Variants in NELL1 observed in about 807,000 individuals in gnomAD.
NELL1 encodes the protein neural EGFL like 1, also known as protein kinase C-binding protein NELL1.
In NELL1, 76 loss-of-function variants were observed where a neutral mutation model predicts 107.4. The ratio of observed to expected loss-of-function variants is 0.71; its 90% CI spans 0.59 to 0.86. NELL1 has a LOEUF of 0.86. Ranked by LOEUF, NELL1 falls within the 40% of genes least tolerant of loss-of-function variation. The pLI is 0.00. For synonymous variants in NELL1, 353 were observed against 341.2 expected (o/e 1.03, Z -0.38); for missense variants, 1,024 against 1,005.5 (o/e 1.02, Z -0.25).
At chr11:20,960,377 G>C (rs1171176247) in intron 11 of NELL1, 55 bp from the exon 12 acceptor site, 2 of 1,562,204 alleles carry the variant, frequency 1.3e-6, no homozygotes, top group Admixed American at 3.4e-5. Context: ...CTTTATTTTG[G>C]GGAGTTACTT....
intron 12 of NELL1, among the ~76,000 whole-genome samples, chr11:21,002,518 A>G (rs1366492313): frequency 6.6e-6 from 1 of 152,140 alleles, no homozygotes; most frequent in Non-Finnish European, 1.5e-5. Flanking sequence ...GATAGATAGG[A>G]TACTGCAGAG....
chr11:20,943,593 C>G (rs114313288), intron 10 of NELL1, among the ~76,000 whole-genome samples: 1 of 151,846 alleles, frequency 6.6e-6, no homozygotes, highest in Non-Finnish European at 1.5e-5. Context: ...AAAAAAAAAC[C>G]CAACAAAACA....
intron 3 of NELL1, among the ~76,000 whole-genome samples, chr11:20,832,222 T>A (rs2134038239): frequency 6.6e-6 from 1 of 152,342 alleles, no homozygotes; most frequent in South Asian, 2.1e-4. Context: ...AGCACTGTTC[T>A]TCTTAGTGAC....
rs371363435 is a variant in NELL1, at chr11:21,229,358, C to T, written c.1453C>T (p.His485Tyr). 3.2e-5 allele frequency: 52 copies of T among 1,613,848 alleles called. No individual in the cohort carries two copies. The highest frequency in any genetic ancestry group is 4.0e-5 in the Non-Finnish European group (47 of 1,179,894). ...ACACGATGAATGTGGCAGCGGCCAG[C>T]ACAACTGTGATGAGAATGCCATCTG... ...TEHDECGSGQ[H>Y]NCDENAICTN... Residue 485 changes from histidine (H) to tyrosine (Y), a missense_variant, in exon 14 of 20, where the codon CAC (histidine) becomes TAC (tyrosine). His to Tyr is a moderately conservative substitution (Grantham distance 83). Coordinates refer to ENST00000357134, the MANE Select transcript of NELL1 (RefSeq NM_006157.5).
intron 13 of NELL1, among the ~76,000 whole-genome samples, chr11:21,208,009 C>T (rs3886819): frequency 0.053 from 8,116 of 152,130 alleles, 709 homozygotes; most frequent in African/African-American, 0.18. Context: ...ATCTCATATA[C>T]TTACCCATTC....
At chr11:21,530,874 A>T (rs1399151410) in intron 15 of NELL1, among the ~76,000 whole-genome samples, 1 of 152,076 alleles carries the variant, frequency 6.6e-6, no homozygotes, top group Admixed American at 6.6e-5. Flanking sequence ...CCTTTCATTC[A>T]ATCTACCAGT....
rs188822381 is a variant in NELL1 at position 21,077,821 on chromosome 11, G to A, written c.1301-35768G>A. Among the ~76,000 whole-genome samples, 336 of 151,940 alleles carry A rather than the reference G, an allele frequency of 2.2e-3. 1 individual carries two copies. The highest frequency in any genetic ancestry group is 7.5e-3 in the African/African-American group (310 of 41,462). On this transcript the variant is annotated intron_variant, in intron 12 of 19. Coordinates refer to ENST00000357134, the MANE Select transcript of NELL1 (RefSeq NM_006157.5). ...AACATATTACAAAATAGAACTAATG[G>A]TAAATAATTCAAAATTAAGAAGTTG...
chr11:21,279,879 A>G (rs906431309), intron 14 of NELL1, among the ~76,000 whole-genome samples: 16 of 152,254 alleles, frequency 1.1e-4, no homozygotes, highest in African/African-American at 3.6e-4. Flanking sequence ...ATATTGTTCT[A>G]TGCCAAAAAG....
chr11:20,894,064 A>G (rs1356285683), intron 5 of NELL1, among the ~76,000 whole-genome samples: 1 of 152,166 alleles, frequency 6.6e-6, no homozygotes, highest in Non-Finnish European at 1.5e-5. Flanking sequence ...GTGCTGGGTC[A>G]ACTGAATATC....
At chr11:21,110,573 T>C (rs532713670) in intron 12 of NELL1, among the ~76,000 whole-genome samples, 56 of 152,234 alleles carry the variant, frequency 3.7e-4, no homozygotes, top group African/African-American at 1.1e-3. Context: ...AGGAGGTTTC[T>C]CTGGAAGGTG....
chr11:21,355,312 G>T lies in NELL1; in HGVS notation c.1550-15541G>T, dbSNP rs1294599628. 2.0e-5 allele frequency among the ~76,000 whole-genome samples: 3 copies of T among 152,148 alleles called. 1 individual carries two copies. The highest frequency in any genetic ancestry group is 2.0e-4 in the Admixed American group (3 of 15,266). On this transcript the variant is annotated intron_variant, in intron 14 of 19. Coordinates refer to ENST00000357134, the MANE Select transcript of NELL1 (RefSeq NM_006157.5). ...TTGAGAAGAAAATTCTCTGCTATAT[G>T]AATTAACCTAGAGAAAACGGGGCTG...
At chr11:21,550,265 A>G (rs966249447) in intron 16 of NELL1, among the ~76,000 whole-genome samples, 2 of 151,932 alleles carry the variant, frequency 1.3e-5, no homozygotes, top group African/African-American at 2.4e-5. Flanking sequence ...AGTAGGTTGC[A>G]AAAATTTTCT....
intron 4 of NELL1, among the ~76,000 whole-genome samples, chr11:20,864,000 C>G (rs1017805418): frequency 6.6e-6 from 1 of 152,032 alleles, no homozygotes; most frequent in African/African-American, 2.4e-5. Flanking sequence ...CGCAGGCACT[C>G]GGCAGGCTGA....
At chr11:21,398,779 C>T (rs1852035048) in intron 15 of NELL1, among the ~76,000 whole-genome samples, 1 of 151,726 alleles carries the variant, frequency 6.6e-6, no homozygotes. Context: ...GTTTTTACTT[C>T]ATATTAATAT....
intron 7 of NELL1, among the ~76,000 whole-genome samples, chr11:20,926,332 G>T (rs956890664): frequency 1.3e-5 from 2 of 152,150 alleles, no homozygotes; most frequent in African/African-American, 4.8e-5. Flanking sequence ...ATATCATGAG[G>T]AGCTGTTAAG....
At chr11:20,800,274 G>C (rs1857256803) in intron 3 of NELL1, among the ~76,000 whole-genome samples, 1 of 152,152 alleles carries the variant, frequency 6.6e-6, no homozygotes, top group African/African-American at 2.4e-5. Context: ...TCTCCAAAAT[G>C]CTTTCCAAAG....
chr11:21,459,922 G>A (rs569537692), intron 15 of NELL1, among the ~76,000 whole-genome samples: 1 of 152,046 alleles, frequency 6.6e-6, no homozygotes, highest in African/African-American at 2.4e-5. Context: ...GGAGTATAGA[G>A]AGAAGGATTT....
intron 13 of NELL1, among the ~76,000 whole-genome samples, chr11:21,145,638 A>G (rs911156247): frequency 2.0e-5 from 3 of 152,170 alleles, no homozygotes; most frequent in Non-Finnish European, 2.9e-5. Context: ...AATAAGCTTG[A>G]TCTCTTCCAC....
intron 15 of NELL1, among the ~76,000 whole-genome samples, chr11:21,411,564 G>A (rs1038574090): frequency 6.6e-6 from 1 of 152,108 alleles, no homozygotes; most frequent in African/African-American, 2.4e-5. Context: ...TGAAACTACA[G>A]TGAGATGAGT....
Sources: gnomAD v4.1 joint callset for allele counts (sites outside exome capture counted in the v4.1 genomes callset) on GRCh38, gnomAD v4.1.1 for gene constraint, MANE v1.5 for transcripts, NCBI Gene and HGNC (gene_info 2026-07-23, HGNC 2026-07-21) for gene names.